SCAI: variants seen among roughly 807,000 people sequenced by gnomAD.
SCAI encodes the protein protein SCAI.
A neutral mutation model predicts 92.2 loss-of-function variants in SCAI; 24 were observed. The ratio of observed to expected loss-of-function variants is 0.26; its 90% CI spans 0.19 to 0.37. The LOEUF is 0.37. Among genes scored for constraint, SCAI ranks in the 10% least tolerant of loss-of-function variants. The pLI, the probability that SCAI is intolerant of heterozygous loss-of-function variation, is 1.00. For synonymous variants in SCAI, 261 were observed against 258.6 expected (o/e 1.01, Z -0.09); for missense variants, 450 against 736.2 (o/e 0.61, Z 4.50).
At chr9:125,108,344 G>A (rs1351149078) in intron 2 of SCAI, among the ~76,000 whole-genome samples, 1 of 151,648 alleles carries the variant, frequency 6.6e-6, no homozygotes, top group Non-Finnish European at 1.5e-5. Flanking sequence ...TCTGGGAAGT[G>A]AGGAGCGCCT....
rs1184806599 is a variant in SCAI, at chr9:124,944,109, T to C, written c.*8698A>G. On this transcript the variant is annotated 3_prime_UTR_variant, in exon 18 of 18. Coordinates refer to ENST00000336505, the MANE Select transcript of SCAI (RefSeq NM_001144877.3). ...TCTCTGATTGTTGAACAGCAAGGTT[T>C]ATTAAAAATAAGCAAAAAAGTTGGA... is the stretch of plus-strand genomic sequence containing the variant. 1 of 152,204 alleles carries C rather than the reference T, an allele frequency of 6.6e-6. No individual in the cohort carries two copies. Among genetic ancestry groups the C allele is most frequent in the Admixed American group, 6.5e-5 (1 of 15,270 alleles). The allele number at this position is 152,204 out of a possible 1,614,324, so 9.4% of individuals were successfully genotyped here. A position where few individuals can be genotyped will look rare whatever the true frequency, so the allele number is the denominator to read the frequency against.
At chr9:124,983,488 G>C (rs1329881814) in intron 14 of SCAI, among the ~76,000 whole-genome samples, 2 of 152,276 alleles carry the variant, frequency 1.3e-5, no homozygotes, top group Non-Finnish European at 2.9e-5. Flanking sequence ...TACTAGCTGG[G>C]ATTACAGGCA....
At chr9:125,068,072 T>C (rs1833906948) in intron 2 of SCAI, among the ~76,000 whole-genome samples, 1 of 152,094 alleles carries the variant, frequency 6.6e-6, no homozygotes, top group South Asian at 2.1e-4. Flanking sequence ...TAAAGTGGAG[T>C]CATAATGGCA....
chr9:125,132,111 T>A (rs1156649007), intron 2 of SCAI, among the ~76,000 whole-genome samples: 1 of 151,646 alleles, frequency 6.6e-6, no homozygotes, highest in African/African-American at 2.4e-5. Context: ...TTTCTTTTCT[T>A]TTTTCCTTTT....
At chr9:125,060,122 T>G (rs1418245327) in intron 2 of SCAI, among the ~76,000 whole-genome samples, 1 of 152,198 alleles carries the variant, frequency 6.6e-6, no homozygotes, top group Middle Eastern at 3.2e-3. Context: ...TATCTCACCA[T>G]CTAGACACAC....
At chr9:125,003,627 A>C in intron 9 of SCAI, 57 bp from the exon 10 acceptor site, 1 of 1,087,614 alleles carries the variant, frequency 9.2e-7, no homozygotes, top group African/African-American at 1.6e-5. Context: ...GCAGACTTTA[A>C]AGACTTTTAT....
intron 3 of SCAI, among the ~76,000 whole-genome samples, chr9:125,052,692 A>G (rs1413277175): frequency 6.6e-6 from 1 of 152,190 alleles, no homozygotes; most frequent in Admixed American, 6.5e-5. Flanking sequence ...CAAATCATAC[A>G]TCTTACAAGG....
At chr9:125,030,672 T>C (rs1250148822) in intron 3 of SCAI, among the ~76,000 whole-genome samples, 1 of 152,186 alleles carries the variant, frequency 6.6e-6, no homozygotes, top group Admixed American at 6.5e-5. Context: ...AATGATGACC[T>C]ATATAATGCA....
intron 2 of SCAI, among the ~76,000 whole-genome samples, chr9:125,089,513 T>C (rs1377177518): frequency 6.6e-6 from 1 of 152,088 alleles, no homozygotes; most frequent in Admixed American, 6.6e-5. Flanking sequence ...CAAAATGAGA[T>C]CTATAGACCA....
chr9:125,105,243 G>A (rs1329334319), intron 2 of SCAI, among the ~76,000 whole-genome samples: 1 of 152,098 alleles, frequency 6.6e-6, no homozygotes, highest in East Asian at 1.9e-4. Context: ...GCTGAGGCAG[G>A]AAGATTGCTA....
chr9:124,944,181 C>G lies in SCAI; in HGVS notation c.*8626G>C, dbSNP rs1831103074. Reference sequence around the variant, plus strand: ...TGGCAAAAGGAATGCATTCAGATAACTATAAAAAGCCACATAAATCAAGTT... The same window carrying G: ...TGGCAAAAGGAATGCATTCAGATAAGTATAAAAAGCCACATAAATCAAGTT... On this transcript the variant is annotated 3_prime_UTR_variant, in exon 18 of 18. Coordinates refer to ENST00000336505, the MANE Select transcript of SCAI (RefSeq NM_001144877.3). 6.6e-6 allele frequency: 1 copy of G among 151,972 alleles called. No individual in the cohort carries two copies. The highest frequency in any genetic ancestry group is 2.4e-5 in the African/African-American group (1 of 41,388). The allele number at this position is 151,972 out of a possible 1,614,324, so 9.4% of individuals were successfully genotyped here. A position where few individuals can be genotyped will look rare whatever the true frequency, so the allele number is the denominator to read the frequency against.
chr9:125,092,101 G>A (rs949023309), intron 2 of SCAI, among the ~76,000 whole-genome samples: 3 of 130,908 alleles, frequency 2.3e-5, no homozygotes, highest in African/African-American at 8.4e-5. Flanking sequence ...CTGCACTCCA[G>A]CCTGGGCGAC....
At chr9:124,966,916 C>CTTTT (rs35221252) in intron 17 of SCAI, among the ~76,000 whole-genome samples, 2 of 134,208 alleles carry the variant, frequency 1.5e-5, no homozygotes, top group South Asian at 2.4e-4. Context: ...CCCAGCTTGA[C>CTTTT]TTTTTTTTTT....
intron 3 of SCAI, among the ~76,000 whole-genome samples, chr9:125,047,986 G>GT (rs1014656621): frequency 2.2e-4 from 33 of 149,174 alleles, no homozygotes; most frequent in East Asian, 7.8e-4. Flanking sequence ...CTTTTCTTTT[G>GT]TTTTTTTTTG....
Position 124,951,726 on chromosome 9 carries a change from A to G in SCAI, c.*1081T>C, listed in dbSNP as rs143895407. On this transcript the variant is annotated 3_prime_UTR_variant, in exon 18 of 18. Coordinates refer to ENST00000336505, the MANE Select transcript of SCAI (RefSeq NM_001144877.3). ...ACTGTGAAATTATAAAGGGAATGACAGGGAAGGAAAACACAAAAAAGAAAA... is the reference window on the plus strand; with the variant it reads ...ACTGTGAAATTATAAAGGGAATGACGGGGAAGGAAAACACAAAAAAGAAAA... 1.1e-4 allele frequency: 16 copies of G among 152,290 alleles called. No homozygotes were observed. The highest frequency in any genetic ancestry group is 3.6e-4 in the African/African-American group (15 of 41,550). 9.4% of individuals were successfully genotyped at this position (152,290 alleles called of 1,614,324 possible).
intron 2 of SCAI, among the ~76,000 whole-genome samples, chr9:125,137,099 C>T (rs567999095): frequency 6.6e-6 from 1 of 152,264 alleles, no homozygotes; most frequent in South Asian, 2.1e-4. Flanking sequence ...CCATTACATC[C>T]TTATTCTATA....
chr9:125,118,445 A>G (rs1181407739), intron 2 of SCAI, among the ~76,000 whole-genome samples: 1 of 152,120 alleles, frequency 6.6e-6, no homozygotes, highest in Non-Finnish European at 1.5e-5. Flanking sequence ...TGACCCCAAG[A>G]GTTTAGGACT....
At chr9:125,068,393 G>A (rs924122916) in intron 2 of SCAI, among the ~76,000 whole-genome samples, 3 of 152,098 alleles carry the variant, frequency 2.0e-5, no homozygotes, top group Admixed American at 6.6e-5. Context: ...CCAGCTACTC[G>A]GGAAGCTGAG....
At chr9:125,012,620 C>G (rs1479058295) in intron 9 of SCAI, among the ~76,000 whole-genome samples, 3 of 151,936 alleles carry the variant, frequency 2.0e-5, no homozygotes, top group Non-Finnish European at 2.9e-5. Context: ...GACAGATCAA[C>G]GAGACAGAAA....
Sources: gnomAD v4.1 joint callset for allele counts (sites outside exome capture counted in the v4.1 genomes callset) on GRCh38, gnomAD v4.1.1 for gene constraint, MANE v1.5 for transcripts, NCBI Gene and HGNC (gene_info 2026-07-23, HGNC 2026-07-21) for gene names.